The following ITGAV variants were observed in gnomAD, a reference collection of about 807,000 sequenced individuals.
ITGAV encodes integrin subunit alpha V.
ITGAV carries 76 observed loss-of-function variants against 143.8 expected under a neutral mutation model. The observed-to-expected ratio is 0.53, with a 90% CI of 0.44 to 0.64. The LOEUF (loss-of-function observed/expected upper bound fraction) is 0.64, where lower values mean the gene tolerates loss of function less well. Ranked by LOEUF, ITGAV falls within the 30% of genes least tolerant of loss-of-function variation. The pLI, the probability that ITGAV is intolerant of heterozygous loss-of-function variation, is 0.00. For missense variants in ITGAV, 1,193 were observed against 1,274.7 expected (o/e 0.94, Z 0.98); for synonymous variants, 453 against 446.7 (o/e 1.01, Z -0.18).
rs749905056 is a variant in ITGAV at position 186,590,538 on chromosome 2, T to G, written c.185+15T>G. The G allele has an allele frequency of 6.2e-6, 10 of 1,609,080 alleles. 1 individual carries two copies. The South Asian group carries it at 1.1e-4, about 18-fold the overall frequency. Reference sequence around the variant, plus strand: ...AGCGCGTCTTCGTAAGTGGCCGCACTTGGAACTGGAGCCGGCCCCCTCCCC... The same window carrying G: ...AGCGCGTCTTCGTAAGTGGCCGCACGTGGAACTGGAGCCGGCCCCCTCCCC... On this transcript the variant is annotated intron_variant, in intron 1 of 29. Transcript: ENST00000261023.
At chr2:186,615,596 T>G (rs752791164) in intron 2 of ITGAV, among the ~76,000 whole-genome samples, 1 of 152,192 alleles carries the variant, frequency 6.6e-6, no homozygotes, top group African/African-American at 2.4e-5. Context: ...CTGGCTGTTA[T>G]TTCTTCTTTG....
intron 2 of ITGAV, among the ~76,000 whole-genome samples, chr2:186,608,576 C>T (rs1240999808): frequency 6.6e-6 from 1 of 152,090 alleles, no homozygotes. Context: ...AGTCTTAGTG[C>T]ACTGAGTACA....
chr2:186,643,756 T>C (rs1454292232), intron 12 of ITGAV, among the ~76,000 whole-genome samples: 1 of 152,138 alleles, frequency 6.6e-6, no homozygotes, highest in Admixed American at 6.5e-5. Flanking sequence ...GCATCTAAAA[T>C]GATCAAAGGA....
At chr2:186,658,194 A>C (rs1051875230) in intron 17 of ITGAV, among the ~76,000 whole-genome samples, 10 of 152,172 alleles carry the variant, frequency 6.6e-5, no homozygotes, top group African/African-American at 2.4e-4. Flanking sequence ...CCACATGAAT[A>C]GATTAAAGAA....
At chr2:186,647,730 T>C (rs957791246) in intron 13 of ITGAV, among the ~76,000 whole-genome samples, 6 of 152,320 alleles carry the variant, frequency 3.9e-5, no homozygotes, top group South Asian at 2.1e-4. Flanking sequence ...CTGGTTCTTA[T>C]ACACTTTGGA....
intron 2 of ITGAV, among the ~76,000 whole-genome samples, chr2:186,616,423 C>T (rs1687363545): frequency 6.6e-6 from 1 of 151,396 alleles, no homozygotes; most frequent in Non-Finnish European, 1.5e-5. Flanking sequence ...GGACTACAGG[C>T]GCCCGCCAGC....
chr2:186,630,706 C>A, intron 4 of ITGAV, 91 bp from the exon 5 acceptor site: 1 of 714,710 alleles, frequency 1.4e-6, no homozygotes, highest in Non-Finnish European at 2.5e-6. Context: ...GGTACATTAT[C>A]TTATGATTCT....
chr2:186,650,223 C>G (rs1688387238), intron 14 of ITGAV, among the ~76,000 whole-genome samples: 1 of 152,128 alleles, frequency 6.6e-6, no homozygotes, highest in Non-Finnish European at 1.5e-5. Flanking sequence ...TTATTTTGAT[C>G]TTTTGTTTTC....
At chr2:186,642,944 A>C (rs933896891) in intron 12 of ITGAV, among the ~76,000 whole-genome samples, 1 of 152,218 alleles carries the variant, frequency 6.6e-6, no homozygotes, top group Non-Finnish European at 1.5e-5. Context: ...AAATGGAGCT[A>C]TGGTATGAAG....
intron 15 of ITGAV, 151 bp downstream of exon 15, chr2:186,652,240 G>A: frequency 1.6e-6 from 1 of 613,734 alleles, no homozygotes; most frequent in South Asian, 2.1e-5. Context: ...TTTGAAGCAA[G>A]GTCTGCCTCT....
intron 2 of ITGAV, among the ~76,000 whole-genome samples, chr2:186,608,823 G>A (rs911995669): frequency 6.6e-6 from 1 of 152,198 alleles, no homozygotes; most frequent in Middle Eastern, 3.4e-3. Context: ...AACAGAACAA[G>A]AATTTATTGG....
At chr2:186,649,455 T>C (rs3820739) in intron 13 of ITGAV, among the ~76,000 whole-genome samples, 43,028 of 151,708 alleles carry the variant, frequency 0.28, 6,775 homozygotes, top group Non-Finnish European at 0.36. Flanking sequence ...TTTATATATA[T>C]ACACACACAC....
chr2:186,651,449 A>G (rs1688427163), intron 14 of ITGAV, among the ~76,000 whole-genome samples: 1 of 152,230 alleles, frequency 6.6e-6, no homozygotes, highest in African/African-American at 2.4e-5. Context: ...AGAAGGGTAT[A>G]TAAAAAAAAG....
At chr2:186,626,562 T>G (rs914732912) in intron 4 of ITGAV, among the ~76,000 whole-genome samples, 7 of 152,232 alleles carry the variant, frequency 4.6e-5, no homozygotes, top group Non-Finnish European at 1.0e-4. Flanking sequence ...TTGTCCATGT[T>G]AGGTGACCTG....
intron 1 of ITGAV, among the ~76,000 whole-genome samples, chr2:186,601,038 G>C (rs1438815354): frequency 6.6e-6 from 1 of 151,036 alleles, no homozygotes; most frequent in Admixed American, 6.6e-5. Flanking sequence ...GCTTTATGTA[G>C]AGGAAGCACT....
At chr2:186,633,251 T>C in intron 5 of ITGAV, 78 bp from the exon 6 acceptor site, 2 of 830,690 alleles carry the variant, frequency 2.4e-6, no homozygotes, top group Non-Finnish European at 4.0e-6. Flanking sequence ...ATATATATCT[T>C]ATGTTTTTCA....
intron 25 of ITGAV, 94 bp downstream of exon 25, chr2:186,669,014 T>C (rs2290083): frequency 0.38 from 448,242 of 1,174,858 alleles, 89,788 homozygotes; most frequent in East Asian, 0.76. Flanking sequence ...AACAACTATT[T>C]TAATATAAAA....
intron 2 of ITGAV, among the ~76,000 whole-genome samples, chr2:186,602,804 G>A (rs901633704): frequency 6.6e-6 from 1 of 151,896 alleles, no homozygotes; most frequent in African/African-American, 2.4e-5. Context: ...TTGAACCTGG[G>A]AGGTGGAGGT....
chr2:186,661,272 G>T (rs1236700857), intron 18 of ITGAV, among the ~76,000 whole-genome samples: 3 of 151,972 alleles, frequency 2.0e-5, no homozygotes, highest in African/African-American at 4.8e-5. Context: ...ATTCACAGTT[G>T]AAAAAGTAGA....
Sources: gnomAD v4.1 joint callset for allele counts (sites outside exome capture counted in the v4.1 genomes callset) on GRCh38, gnomAD v4.1.1 for gene constraint, MANE v1.5 for transcripts, NCBI Gene and HGNC (gene_info 2026-07-23, HGNC 2026-07-21) for gene names.